ACLY: variants seen among roughly 807,000 people sequenced by gnomAD.
The protein encoded by ACLY is ATP-citrate synthase.
Under a neutral mutation model 133.0 loss-of-function variants are expected in ACLY, and 41 were observed. The ratio of observed to expected loss-of-function variants is 0.31; its 90% CI spans 0.24 to 0.40. The LOEUF is 0.40. Among genes scored for constraint, ACLY ranks in the 10% least tolerant of loss-of-function variants. The pLI, the probability that ACLY is intolerant of heterozygous loss-of-function variation, is 1.00. For synonymous variants in ACLY, 495 were observed against 549.3 expected (o/e 0.90, Z 1.38); for missense variants, 1,046 against 1,453.8 (o/e 0.72, Z 4.56).
chr17:41,897,713 A>C, intron 13 of ACLY, 36 bp downstream of exon 13: 1 of 1,585,178 alleles, frequency 6.3e-7, no homozygotes, highest in Non-Finnish European at 8.6e-7. Flanking sequence ...CCGCAAGGCC[A>C]CTCCCTGCAA....
rs1240076682 is a variant in ACLY at position 41,883,196 on chromosome 17, T to A, written c.2191A>T (p.Ile731Phe). ...GTEEYKICRG[I>F]KEGRLTKPIV... The stretch of plus-strand genomic sequence containing the variant: ...GGCTTAGTGAGGCGGCCCTCCTTGA[T>A]GCCCCGGCAAATCTTATATTCCTCA... Residue 731 changes from isoleucine to phenylalanine, a missense_variant, in exon 20 of 29, where the codon ATC becomes TTC. By Grantham distance (21) the Ile-to-Phe change is conservative (BLOSUM62 0). This residue lies in a region of ACLY where 575 missense variants were observed against 804.2 expected (regional missense o/e 0.71). Coordinates refer to ENST00000352035, the MANE Select transcript of ACLY (RefSeq NM_001096.3). 15 of 1,613,898 alleles carry A rather than the reference T, an allele frequency of 9.3e-6. No individual in the cohort carries two copies. The highest frequency in any genetic ancestry group is 1.7e-5 in the Admixed American group (1 of 60,008).
chr17:41,890,098 G>A (rs1020894672), intron 16 of ACLY, among the ~76,000 whole-genome samples: 3 of 152,218 alleles, frequency 2.0e-5, no homozygotes, highest in Non-Finnish European at 4.4e-5. Context: ...CAAAAGTGAT[G>A]CTGCCAGTTA....
chr17:41,882,795 A>T (rs2048954435), intron 20 of ACLY, among the ~76,000 whole-genome samples: 1 of 152,052 alleles, frequency 6.6e-6, no homozygotes, highest in South Asian at 2.1e-4. Flanking sequence ...TCATCAGCAA[A>T]GCCCTTCTCA....
chr17:41,884,423 T>G, intron 18 of ACLY, 149 bp from the exon 19 acceptor site: 1 of 599,196 alleles, frequency 1.7e-6, no homozygotes, highest in Non-Finnish European at 3.0e-6. Flanking sequence ...CCAGCAATAA[T>G]GGACAGGGGA....
At chr17:41,913,426 A>G (rs1306012700) in intron 2 of ACLY, among the ~76,000 whole-genome samples, 6 of 152,238 alleles carry the variant, frequency 3.9e-5, no homozygotes, top group African/African-American at 1.4e-4. Context: ...CTAAAACTCA[A>G]AAGAGGTGAA....
intron 18 of ACLY, among the ~76,000 whole-genome samples, chr17:41,885,634 A>G (rs1555628022): frequency 6.6e-6 from 1 of 152,160 alleles, no homozygotes; most frequent in Non-Finnish European, 1.5e-5. Flanking sequence ...TCAGACACTT[A>G]TATGTATTAC....
intron 2 of ACLY, among the ~76,000 whole-genome samples, chr17:41,913,381 A>C (rs1016084606): frequency 1.3e-5 from 2 of 152,260 alleles, no homozygotes; most frequent in African/African-American, 2.4e-5. Context: ...TTTACAGCTC[A>C]AAGTGAGTAT....
intron 8 of ACLY, among the ~76,000 whole-genome samples, chr17:41,906,234 G>A (rs2049714411): frequency 6.6e-6 from 1 of 152,206 alleles, no homozygotes; most frequent in African/African-American, 2.4e-5. Flanking sequence ...ATGGGGAAAT[G>A]TCCAGGCAAC....
chr17:41,903,685 G>A (rs868960131), intron 10 of ACLY, among the ~76,000 whole-genome samples: 1 of 150,302 alleles, frequency 6.7e-6, no homozygotes, highest in Admixed American at 6.7e-5. Flanking sequence ...GAATCCGGGA[G>A]GCGGAGGTTG....
At chr17:41,876,683 G>A (rs1555626244) in intron 22 of ACLY, among the ~76,000 whole-genome samples, 2 of 152,220 alleles carry the variant, frequency 1.3e-5, no homozygotes, top group East Asian at 1.9e-4. Flanking sequence ...GCAGTGCAAG[G>A]TGTGCTTTGT....
Position 41,909,557 on chromosome 17 carries a change from C to T in ACLY, c.489G>A (p.Glu163=). Residue 163 remains glutamate (E), a synonymous_variant, in exon 5 of 29, where the codon GAG becomes GAA. Transcript: ENST00000352035. The stretch of plus-strand genomic sequence containing the variant: ...GGACCAACAGGTGTTTTTTGATGTC[C>T]TCAGGATTCAGTTTCTCATCCACGC... ...LVGVDEKLNP[E]DIKKHLLVHA... is the part of the protein sequence containing the mutation. 6.2e-7 allele frequency: 1 copy of T among 1,614,196 alleles called. No homozygotes were observed. Among genetic ancestry groups the T allele is most frequent in the Non-Finnish European group, 8.5e-7 (1 of 1,180,044 alleles).
At chr17:41,920,482 T>C (rs1448339442), upstream of ACLY, among the ~76,000 whole-genome samples, 1 of 150,922 alleles carries the variant, frequency 6.6e-6, no homozygotes, top group Non-Finnish European at 1.5e-5. Context: ...TCCCAGCTAC[T>C]CTTGAGGTTG....
Position 41,868,685 on chromosome 17 carries a change from TAAAAC to T in ACLY, c.3211+19_3211+23del, listed in dbSNP as rs1179879980. The T allele has an allele frequency of 1.9e-6, 3 of 1,607,022 alleles. No individual in the cohort carries two copies. Among genetic ancestry groups the T allele is most frequent in the South Asian group, 2.2e-5 (2 of 90,180 alleles). ...ACCGTGGGGTTTAAAAAAAAACACT[TAAAAC>T]AACAACGAATGGACTCACCAATGAA... On this transcript the variant is annotated intron_variant, in intron 28 of 28. Transcript: ENST00000352035.
At chr17:41,886,671 T>C (rs1227886050) in intron 17 of ACLY, among the ~76,000 whole-genome samples, 2 of 152,296 alleles carry the variant, frequency 1.3e-5, no homozygotes, top group Middle Eastern at 3.4e-3. Context: ...AGAACACTTC[T>C]GGAATCCCAG....
At chr17:41,918,352 C>G (rs1484578124) in intron 1 of ACLY, among the ~76,000 whole-genome samples, 1 of 152,226 alleles carries the variant, frequency 6.6e-6, no homozygotes, top group Non-Finnish European at 1.5e-5. Flanking sequence ...GCCCCGGAGG[C>G]GCGCATAGCT....
chr17:41,889,524 C>CAAAA (rs533387140), intron 16 of ACLY, among the ~76,000 whole-genome samples: 858 of 31,586 alleles, frequency 0.027, 311 homozygotes, highest in African/African-American at 0.08. Flanking sequence ...CTCCATTTCA[C>CAAAA]AAAAAAAAAA....
intron 22 of ACLY, among the ~76,000 whole-genome samples, chr17:41,876,306 C>G (rs1209686291): frequency 1.3e-5 from 2 of 151,342 alleles, no homozygotes; most frequent in Non-Finnish European, 3.0e-5. Context: ...GTCAGCCCCC[C>G]GCCCGGCCAG....
At chr17:41,926,689 A>G (rs2050247335) in intron 1 of ACLY, among the ~76,000 whole-genome samples, 1 of 151,878 alleles carries the variant, frequency 6.6e-6, no homozygotes, top group Non-Finnish European at 1.5e-5. Flanking sequence ...GGGTTTCACC[A>G]TGTTGGCCAG....
At chr17:41,881,857 T>TA (rs1486905543) in intron 20 of ACLY, among the ~76,000 whole-genome samples, 15 of 152,154 alleles carry the variant, frequency 9.9e-5, no homozygotes, top group Non-Finnish European at 2.1e-4. Context: ...CCCTTTTACT[T>TA]ACATGGAAAA....
Sources: gnomAD v4.1 joint callset for allele counts (sites outside exome capture counted in the v4.1 genomes callset) on GRCh38, gnomAD v4.1.1 for gene constraint, gnomAD v4.1.1 regional missense constraint, MANE v1.5 for transcripts, NCBI Gene and HGNC (gene_info 2026-07-23, HGNC 2026-07-21) for gene names.